STK32B: variants seen among roughly 807,000 people sequenced by gnomAD.
STK32B encodes the protein serine/threonine kinase 32B.
Under a neutral mutation model 52.6 loss-of-function variants are expected in STK32B, and 43 were observed. The observed-to-expected ratio is 0.82, with a 90% CI of 0.64 to 1.05. The LOEUF (loss-of-function observed/expected upper bound fraction) is 1.05, where lower values mean the gene tolerates loss of function less well. Ranked by LOEUF, STK32B falls within the 50% of genes least tolerant of loss-of-function variation. STK32B has a pLI of 0.00. For missense variants in STK32B, 621 were observed against 534.6 expected, an observed-to-expected ratio of 1.16 and a Z score of -1.59; for synonymous variants, 238 against 204.3, an observed-to-expected ratio of 1.17 and a Z score of -1.41.
intron 3 of STK32B, among the ~76,000 whole-genome samples, chr4:5,184,684 C>CAAAAAAAA (rs1553846538): frequency 2.3e-4 from 24 of 105,358 alleles, no homozygotes; most frequent in South Asian, 1.0e-3. Context: ...GAGACTGTCT[C>CAAAAAAAA]AAAAAAAAAA....
intron 11 of STK32B, among the ~76,000 whole-genome samples, chr4:5,491,457 C>T (rs1482124228): frequency 6.6e-6 from 1 of 152,068 alleles, no homozygotes; most frequent in Non-Finnish European, 1.5e-5. Flanking sequence ...TGTTTGAGTT[C>T]ATTGTAGATT....
chr4:5,362,151 G>T (rs929448329), intron 4 of STK32B, among the ~76,000 whole-genome samples: 2 of 152,148 alleles, frequency 1.3e-5, no homozygotes, highest in East Asian at 3.8e-4. Flanking sequence ...TGTATGTTGG[G>T]AGCGAGGAAC....
intron 2 of STK32B, among the ~76,000 whole-genome samples, chr4:5,166,932 A>G (rs1160233374): frequency 6.6e-6 from 1 of 152,084 alleles, no homozygotes; most frequent in East Asian, 1.9e-4. Flanking sequence ...TGTCCAAGGA[A>G]CCAATACAGT....
At position 5,459,760 on chromosome 4, in the gene STK32B, ATTCT is replaced by A. The variant is rs1414962384; in HGVS notation, c.784-338_784-335del. 5.9e-5 allele frequency among the ~76,000 whole-genome samples: 9 copies of A among 152,316 alleles called. No individual in the cohort carries two copies. In the South Asian group the frequency reaches 1.2e-3, roughly 21 times the overall value. On this transcript the variant is annotated intron_variant, in intron 8 of 11. Transcript: ENST00000282908. ...TGGAAATCCTAAGATGAGGCAGCTA[ATTCT>A]TTCTATTTGTAATTGGATGCTTCTC...
chr4:5,405,951 T>C (rs956108167), intron 5 of STK32B, among the ~76,000 whole-genome samples: 1 of 152,182 alleles, frequency 6.6e-6, no homozygotes, highest in African/African-American at 2.4e-5. Context: ...CTCCAAAGTC[T>C]TAACTCATTT....
chr4:5,194,284 CATATGTATGTTATG>C (rs974438922), intron 3 of STK32B, among the ~76,000 whole-genome samples: 56 of 152,266 alleles, frequency 3.7e-4, no homozygotes, highest in African/African-American at 1.3e-3. Flanking sequence ...AGCATTTGAT[CATATGTATGTTATG>C]TTGAATTAGA....
intron 2 of STK32B, chr4:5,140,394 A>G (rs939230860): frequency 2.1e-6 from 2 of 961,826 alleles, no homozygotes; most frequent in Non-Finnish European, 2.7e-6. Context: ...AGAAAACAAA[A>G]ATACTCCCCC....
rs532043093 is a variant in STK32B, at chr4:5,412,078, C to T, written c.473-4767C>T. On this transcript the variant is annotated intron_variant, in intron 5 of 11. Transcript: ENST00000282908. ...AAAGGGTTGGAAATGAGATGAATTT[C>T]CATGTGTTCAAAGAAAGAAGAGATG... is the stretch of plus-strand genomic sequence containing the variant. 3.3e-5 allele frequency among the ~76,000 whole-genome samples: 5 copies of T among 152,208 alleles called. No individual in the cohort carries two copies. The South Asian group carries it at 8.3e-4, about 25-fold the overall frequency.
intron 1 of STK32B, among the ~76,000 whole-genome samples, chr4:5,106,661 G>T (rs1043911614): frequency 6.6e-6 from 1 of 152,078 alleles, no homozygotes; most frequent in African/African-American, 2.4e-5. Flanking sequence ...CCAAAGATAG[G>T]TCCATCCATT....
intron 5 of STK32B, among the ~76,000 whole-genome samples, chr4:5,409,156 A>G (rs1272157599): frequency 1.3e-5 from 2 of 152,084 alleles, no homozygotes; most frequent in Non-Finnish European, 2.9e-5. Context: ...ATGAAGTCTC[A>G]CCTGAGTGCA....
intron 3 of STK32B, among the ~76,000 whole-genome samples, chr4:5,181,547 A>C (rs1720362093): frequency 6.6e-6 from 1 of 152,284 alleles, no homozygotes; most frequent in Admixed American, 6.5e-5. Context: ...CATTACAGGC[A>C]TACGTCGGAA....
At chr4:5,080,329 T>C (rs1310154659) in intron 1 of STK32B, among the ~76,000 whole-genome samples, 1 of 152,216 alleles carries the variant, frequency 6.6e-6, no homozygotes, top group East Asian at 1.9e-4. Context: ...CATTGTCTGC[T>C]GCTGTCACAT....
chr4:5,433,202 A>C (rs1255749687), intron 6 of STK32B, among the ~76,000 whole-genome samples: 1 of 99,364 alleles, frequency 1.0e-5, no homozygotes, highest in East Asian at 2.9e-4. Flanking sequence ...AAGTTTCTGG[A>C]AGGGAAAATA....
At chr4:5,444,269 A>C (rs555919938) in intron 6 of STK32B, among the ~76,000 whole-genome samples, 8 of 152,232 alleles carry the variant, frequency 5.3e-5, no homozygotes, top group African/African-American at 1.9e-4. Context: ...TGGGTGTAGG[A>C]CCCTCCAAGT....
intron 6 of STK32B, among the ~76,000 whole-genome samples, chr4:5,438,738 G>C (rs980087944): frequency 6.6e-6 from 1 of 152,218 alleles, no homozygotes; most frequent in East Asian, 1.9e-4. Context: ...ATCTCCCGAT[G>C]CTATCCCTCC....
intron 9 of STK32B, among the ~76,000 whole-genome samples, chr4:5,463,230 A>G (rs935980682): frequency 1.3e-5 from 2 of 152,236 alleles, no homozygotes; most frequent in Non-Finnish European, 1.5e-5. Context: ...GGCGAAGGCT[A>G]AGAATCTCGA....
chr4:5,489,985 T>C (rs574644028), intron 11 of STK32B, among the ~76,000 whole-genome samples: 2 of 152,352 alleles, frequency 1.3e-5, no homozygotes, highest in East Asian at 3.9e-4. Context: ...GTTTTTATTT[T>C]AGAATTTTGT....
At chr4:5,183,706 C>G (rs111376723) in intron 3 of STK32B, among the ~76,000 whole-genome samples, 5 of 152,156 alleles carry the variant, frequency 3.3e-5, no homozygotes, top group Non-Finnish European at 7.3e-5. Flanking sequence ...GGTGTAGCCA[C>G]CTTTGTCAAT....
At position 5,287,520 on chromosome 4, in the gene STK32B, T is replaced by G. The variant is rs545636082; in HGVS notation, c.261-43700T>G. 9.9e-4 allele frequency among the ~76,000 whole-genome samples: 150 copies of G among 152,280 alleles called. No individual in the cohort carries two copies. The South Asian group carries it at 0.017, about 17-fold the overall frequency. ...TTTTTGAATAGATACATTTATATGC[T>G]TCACAATTTAAAAGATGGACATGAG... On this transcript the variant is annotated intron_variant, in intron 3 of 11. Transcript: ENST00000282908.
Sources: gnomAD v4.1 joint callset for allele counts (sites outside exome capture counted in the v4.1 genomes callset) on GRCh38, gnomAD v4.1.1 for gene constraint, MANE v1.5 for transcripts, NCBI Gene and HGNC (gene_info 2026-07-23, HGNC 2026-07-21) for gene names.